Variants in PRDM5 observed in about 807,000 individuals in gnomAD.
PRDM5 encodes the protein PR domain zinc finger protein 5.
Under a neutral mutation model 81.2 loss-of-function variants are expected in PRDM5, and 56 were observed. The observed-to-expected ratio is 0.69, with a 90% CI of 0.56 to 0.86. The LOEUF (loss-of-function observed/expected upper bound fraction) is 0.86, where lower values mean the gene tolerates loss of function less well. Among genes scored for constraint, PRDM5 ranks in the 40% least tolerant of loss-of-function variants. The pLI is 0.00. For synonymous variants in PRDM5, 267 were observed against 256.4 expected (o/e 1.04, Z -0.39); for missense variants, 697 against 770.1 (o/e 0.91, Z 1.12).
chr4:120,833,392 T>G (rs1460878367), intron 3 of PRDM5, among the ~76,000 whole-genome samples: 2 of 152,278 alleles, frequency 1.3e-5, no homozygotes, highest in East Asian at 3.9e-4. Flanking sequence ...CTTGTGTTCA[T>G]GTAACCCTTA....
chr4:120,770,024 G>A (rs554219342), intron 13 of PRDM5, among the ~76,000 whole-genome samples: 7 of 48,066 alleles, frequency 1.5e-4, no homozygotes, highest in African/African-American at 5.2e-4. Context: ...TTATTTATTT[G>A]TTTGTTTGTT....
chr4:120,919,052 G>A (rs1306806064), intron 1 of PRDM5, among the ~76,000 whole-genome samples: 1 of 152,142 alleles, frequency 6.6e-6, no homozygotes, highest in South Asian at 2.1e-4. Flanking sequence ...CTGGCTCTCT[G>A]CACTTCTCTT....
intron 14 of PRDM5, among the ~76,000 whole-genome samples, chr4:120,740,907 T>A (rs1422153336): frequency 6.6e-6 from 1 of 152,178 alleles, no homozygotes; most frequent in Non-Finnish European, 1.5e-5. Flanking sequence ...AAGTCATCCT[T>A]CAACATGTAT....
intron 14 of PRDM5, among the ~76,000 whole-genome samples, chr4:120,734,634 C>A (rs865992165): frequency 8.5e-5 from 13 of 152,190 alleles, no homozygotes; most frequent in African/African-American, 2.9e-4. Context: ...GGCTTCAGTG[C>A]CACCTCCCTG....
chr4:120,728,264 GAC>G (rs1739736532), intron 14 of PRDM5, among the ~76,000 whole-genome samples: 1 of 151,896 alleles, frequency 6.6e-6, no homozygotes, highest in Admixed American at 6.6e-5. Flanking sequence ...ATTTATAAAA[GAC>G]AGGAAAAACC....
At chr4:120,746,999 G>C (rs959125705) in intron 14 of PRDM5, among the ~76,000 whole-genome samples, 1 of 149,848 alleles carries the variant, frequency 6.7e-6, no homozygotes, top group Admixed American at 6.7e-5. Context: ...GTTTATTGCA[G>C]CATTATTCAC....
At chr4:120,830,503 C>G (rs1399371962) in intron 3 of PRDM5, among the ~76,000 whole-genome samples, 1 of 152,058 alleles carries the variant, frequency 6.6e-6, no homozygotes, top group African/African-American at 2.4e-5. Context: ...TTGCTATAAA[C>G]CACTAAGAGT....
chr4:120,806,934 T>G (rs4314308), intron 8 of PRDM5, among the ~76,000 whole-genome samples: 28,965 of 151,882 alleles, frequency 0.19, 3,017 homozygotes, highest in Non-Finnish European at 0.24. Context: ...GGGAGAAAAT[T>G]TTTGCAATCT....
intron 15 of PRDM5, among the ~76,000 whole-genome samples, chr4:120,701,888 A>G (rs1735429088): frequency 6.6e-6 from 1 of 152,172 alleles, no homozygotes; most frequent in Non-Finnish European, 1.5e-5. Flanking sequence ...GATGTCATGT[A>G]TGCCTGCTGC....
chr4:120,689,749 A>T (rs965714596), downstream of PRDM5, among the ~76,000 whole-genome samples: 1 of 151,818 alleles, frequency 6.6e-6, no homozygotes, highest in Non-Finnish European at 1.5e-5. Flanking sequence ...ATTACAGGCA[A>T]GATTACAGGT....
intron 3 of PRDM5, among the ~76,000 whole-genome samples, chr4:120,824,965 A>T (rs1402358651): frequency 2.0e-5 from 3 of 152,124 alleles, no homozygotes; most frequent in African/African-American, 7.2e-5. Flanking sequence ...AGAATTAATT[A>T]ATTTATTTTA....
chr4:120,862,452 A>G (rs1293181395), intron 2 of PRDM5, among the ~76,000 whole-genome samples: 1 of 152,240 alleles, frequency 6.6e-6, no homozygotes, highest in Non-Finnish European at 1.5e-5. Context: ...AGTAACATAC[A>G]ATGCCAAGTC....
chr4:120,773,450 C>T (rs1365911390), intron 13 of PRDM5, among the ~76,000 whole-genome samples: 6 of 152,160 alleles, frequency 3.9e-5, no homozygotes, highest in Admixed American at 3.9e-4. Flanking sequence ...ATAAAACGTT[C>T]TTCCTCTAAG....
chr4:120,829,171 G>C (rs745548097), intron 3 of PRDM5, among the ~76,000 whole-genome samples: 3 of 152,122 alleles, frequency 2.0e-5, no homozygotes, highest in Middle Eastern at 3.4e-3. Context: ...AGGTTGAGAG[G>C]CCCATTCTCC....
Position 120,853,422 on chromosome 4 carries a change from A to G in PRDM5, c.296T>C (p.Ile99Thr). The change falls in exon 3 of 16, where the codon ATT (isoleucine) becomes ACT (threonine). Residue 99 changes from isoleucine (I) to threonine (T), a missense_variant. Physicochemically the swap from Ile to Thr is moderately conservative, Grantham distance 89 (BLOSUM62 -1). Coordinates refer to ENST00000264808, the MANE Select transcript of PRDM5 (RefSeq NM_018699.4). Reference protein sequence around the residue: ...PSQEQKNLAAIQEGENIFYLA... With the variant: ...PSQEQKNLAATQEGENIFYLA... The stretch of plus-strand genomic sequence containing the variant: ...ATGAGAAGCAAATAAGCTCACTTGA[A>G]TGGCAGCCAAGTTCTTCTGCTCCTG... 3.1e-6 allele frequency: 5 copies of G among 1,613,732 alleles called. No homozygotes were observed. The highest frequency in any genetic ancestry group is 4.2e-6 in the Non-Finnish European group (5 of 1,179,692).
intron 14 of PRDM5, among the ~76,000 whole-genome samples, chr4:120,742,425 C>T (rs550715198): frequency 0.024 from 3,632 of 152,200 alleles, 52 homozygotes; most frequent in Middle Eastern, 0.034. Flanking sequence ...CAAAGCTGGA[C>T]GGAGAATGAC....
At chr4:120,885,151 A>G (rs1223928426) in intron 2 of PRDM5, among the ~76,000 whole-genome samples, 2 of 142,776 alleles carry the variant, frequency 1.4e-5, no homozygotes, top group South Asian at 2.1e-4. Context: ...AAAAAAAAAA[A>G]AAAAAGTAAA....
rs527452378 is a variant in PRDM5, at chr4:120,867,441, A to AT, written c.178-13902dup. Among the ~76,000 whole-genome samples the AT allele has an allele frequency of 6.3e-4, 96 of 152,212 alleles. 1 individual carries two copies. Among genetic ancestry groups the AT allele is most frequent in the African/African-American group, 2.3e-3 (94 of 41,540 alleles). On this transcript the variant is annotated intron_variant, in intron 2 of 15. Coordinates refer to ENST00000264808, the MANE Select transcript of PRDM5 (RefSeq NM_018699.4). ...CCAAATCTTAAGGCTTAAATTATATATTTTTTTCATTTATTACTGAATGGT... is the reference window on the plus strand; with the variant it reads ...CCAAATCTTAAGGCTTAAATTATATATTTTTTTTCATTTATTACTGAATGGT...
chr4:120,730,677 T>C (rs1181239954), intron 14 of PRDM5, among the ~76,000 whole-genome samples: 1 of 152,224 alleles, frequency 6.6e-6, no homozygotes, highest in Non-Finnish European at 1.5e-5. Flanking sequence ...AAAAACTCTC[T>C]TTATATATAT....
Sources: allele counts gnomAD v4.1 joint callset (sites outside exome capture counted in the v4.1 genomes callset), GRCh38; gene constraint gnomAD v4.1.1; transcripts MANE v1.5; gene names NCBI Gene and HGNC (gene_info 2026-07-23, HGNC 2026-07-21).